Variants in NCOA2 observed in about 807,000 individuals in gnomAD.
NCOA2 encodes class E basic helix-loop-helix protein 75.
In NCOA2, 21 loss-of-function variants were observed where a neutral mutation model predicts 145.1. The observed-to-expected ratio is 0.14, with a 90% confidence interval of 0.10 to 0.21. NCOA2 has a LOEUF of 0.21. Ranked by LOEUF, NCOA2 falls within the 10% of genes least tolerant of loss-of-function variation. The pLI, the probability that NCOA2 is intolerant of heterozygous loss-of-function variation, is 1.00. For synonymous variants in NCOA2, 619 were observed against 637.5 expected, an observed-to-expected ratio of 0.97 and a Z score of 0.44; for missense variants, 1,472 against 1,837.6, an observed-to-expected ratio of 0.80 and a Z score of 3.64.
chr8:70,148,722 TAAGA>T (rs1463623481), intron 11 of NCOA2, among the ~76,000 whole-genome samples: 9 of 152,240 alleles, frequency 5.9e-5, no homozygotes, highest in Non-Finnish European at 2.9e-5. Context: ...GATGGCTGAA[TAAGA>T]AAGAAAGCTC....
intron 1 of NCOA2, among the ~76,000 whole-genome samples, chr8:70,343,456 C>T (rs1225732656): frequency 6.6e-6 from 1 of 151,772 alleles, no homozygotes; most frequent in East Asian, 1.9e-4. Context: ...AAGATCCCTA[C>T]TTTCTCTTTC....
chr8:70,236,602 T>A (rs920422884), intron 2 of NCOA2, among the ~76,000 whole-genome samples: 1 of 152,164 alleles, frequency 6.6e-6, no homozygotes, highest in African/African-American at 2.4e-5. Flanking sequence ...TAAACGCCTA[T>A]ACAGCTGGCC....
intron 2 of NCOA2, among the ~76,000 whole-genome samples, chr8:70,221,212 G>T (rs1290511250): frequency 2.6e-5 from 4 of 152,092 alleles, no homozygotes; most frequent in Admixed American, 2.6e-4. Flanking sequence ...AAATGCTCAA[G>T]CAATATTAAA....
intron 2 of NCOA2, among the ~76,000 whole-genome samples, chr8:70,238,163 CGTGT>C (rs753448395): frequency 9.2e-5 from 14 of 151,686 alleles, no homozygotes; most frequent in South Asian, 2.1e-4. Flanking sequence ...CGCGCGCGCG[CGTGT>C]GTGTGTTTTA....
At chr8:70,387,973 TCATAGA>T (rs1416429004) in intron 1 of NCOA2, among the ~76,000 whole-genome samples, 1 of 152,182 alleles carries the variant, frequency 6.6e-6, no homozygotes, top group Non-Finnish European at 1.5e-5. Flanking sequence ...AGCTCCCCAG[TCATAGA>T]CTCAGCCCTG....
At chr8:70,261,476 G>A (rs1298337175) in intron 2 of NCOA2, among the ~76,000 whole-genome samples, 1 of 152,050 alleles carries the variant, frequency 6.6e-6, no homozygotes, top group Non-Finnish European at 1.5e-5. Flanking sequence ...AGCATTAGGA[G>A]ATATACCTAA....
chr8:70,442,116 G>GAAAGAAAGAAAGAAAGAAAGAAAGAAAGA, the NCOA2 span, among the ~76,000 whole-genome samples: 1 of 82,350 alleles, frequency 1.2e-5, no homozygotes, highest in Non-Finnish European at 2.9e-5. Context: ...GAGAAAGAAA[G>GAAAGAAAGAAAGAAAGAAAGAAAGAAAGA]AAGAAAGAAA....
At chr8:70,122,233 A>T (rs1355390956) in intron 21 of NCOA2, among the ~76,000 whole-genome samples, 1 of 152,158 alleles carries the variant, frequency 6.6e-6, no homozygotes, top group African/African-American at 2.4e-5. Flanking sequence ...ATAAAAGCAT[A>T]GATATCTCTC....
At chr8:70,250,988 A>G (rs184051191) in intron 2 of NCOA2, among the ~76,000 whole-genome samples, 1 of 152,362 alleles carries the variant, frequency 6.6e-6, no homozygotes, top group Admixed American at 6.5e-5. Flanking sequence ...GGGAAAAAGT[A>G]ATACTGCCCA....
At chr8:70,422,912 A>C in the NCOA2 span, among the ~76,000 whole-genome samples, 1 of 151,946 alleles carries the variant, frequency 6.6e-6, no homozygotes, top group Admixed American at 6.6e-5. Flanking sequence ...AGGTCTTGCT[A>C]TGTTTCCCAG....
At chr8:70,310,100 G>A (rs1437046505) in intron 1 of NCOA2, among the ~76,000 whole-genome samples, 3 of 152,110 alleles carry the variant, frequency 2.0e-5, no homozygotes, top group African/African-American at 7.2e-5. Flanking sequence ...GGAGGCCAAG[G>A]AGGGAGGACT....
At chr8:70,435,086 A>G in the NCOA2 span, among the ~76,000 whole-genome samples, 118 of 152,084 alleles carry the variant, frequency 7.8e-4, no homozygotes, top group Non-Finnish European at 1.0e-3. Context: ...GGTAATATCT[A>G]AGATTTTGTT....
intron 14 of NCOA2, among the ~76,000 whole-genome samples, chr8:70,140,354 T>C (rs1343705476): frequency 1.3e-5 from 2 of 152,176 alleles, no homozygotes; most frequent in Non-Finnish European, 2.9e-5. Context: ...ACATTTCATA[T>C]AAATGGTATC....
chr8:70,385,847 T>C (rs1298331456), intron 1 of NCOA2, among the ~76,000 whole-genome samples: 1 of 152,254 alleles, frequency 6.6e-6, no homozygotes, highest in East Asian at 1.9e-4. Flanking sequence ...AAACTAATCA[T>C]AGTATCTTGA....
At chr8:70,168,590 G>A (rs898083069) in intron 6 of NCOA2, among the ~76,000 whole-genome samples, 1 of 152,144 alleles carries the variant, frequency 6.6e-6, no homozygotes, top group Non-Finnish European at 1.5e-5. Context: ...CAAAGTGCTG[G>A]GATTACACGG....
intron 2 of NCOA2, among the ~76,000 whole-genome samples, chr8:70,258,144 T>G (rs1003029550): frequency 6.6e-6 from 1 of 152,144 alleles, no homozygotes; most frequent in Non-Finnish European, 1.5e-5. Context: ...CTTTAACTCA[T>G]GAGCTCAAGT....
intron 2 of NCOA2, among the ~76,000 whole-genome samples, chr8:70,291,159 C>G (rs1012598675): frequency 2.0e-5 from 3 of 152,106 alleles, no homozygotes; most frequent in African/African-American, 7.2e-5. Context: ...AAACAACAAA[C>G]AGATATGTAT....
intron 4 of NCOA2, among the ~76,000 whole-genome samples, chr8:70,184,283 T>C (rs1406657883): frequency 6.6e-6 from 1 of 152,188 alleles, no homozygotes; most frequent in Non-Finnish European, 1.5e-5. Flanking sequence ...TCTAGGAAGT[T>C]ACAACCTACT....
chr8:70,441,603 A>G, the NCOA2 span, among the ~76,000 whole-genome samples: 2 of 151,580 alleles, frequency 1.3e-5, no homozygotes, highest in Non-Finnish European at 2.9e-5. Context: ...GAAGAGAGAG[A>G]GAAAGCAAGC....
Sources: gnomAD v4.1 joint callset for allele counts (sites outside exome capture counted in the v4.1 genomes callset) on GRCh38, gnomAD v4.1.1 for gene constraint, MANE v1.5 for transcripts, NCBI Gene and HGNC (gene_info 2026-07-23, HGNC 2026-07-21) for gene names.